DIAPH2: variants seen among roughly 807,000 people sequenced by gnomAD.
The protein encoded by DIAPH2 is diaphanous related formin 2.
Under a neutral mutation model 92.7 loss-of-function variants are expected in DIAPH2, and 35 were observed. That is an observed-to-expected ratio of 0.38 (90% CI 0.29 to 0.50). The LOEUF (loss-of-function observed/expected upper bound fraction) is 0.50. Among genes scored for constraint, DIAPH2 ranks in the 20% least tolerant of loss-of-function variants. The pLI is 0.94. For missense variants in DIAPH2, 701 were observed against 819.5 expected, an observed-to-expected ratio of 0.86 and a Z score of 1.77; for synonymous variants, 301 against 280.4, an observed-to-expected ratio of 1.07 and a Z score of -0.73.
intron 26 of DIAPH2, among the ~76,000 whole-genome samples, chrX:97,501,139 T>C (rs1041963339): frequency 2.7e-5 from 3 of 109,680 alleles, no homozygotes; most frequent in African/African-American, 1.0e-4. Context: ...CCAGTGGCTT[T>C]ATGCTTGCTA....
intron 24 of DIAPH2, among the ~76,000 whole-genome samples, chrX:97,357,379 G>A (rs183321365): frequency 2.7e-5 from 3 of 111,390 alleles, no homozygotes; most frequent in Admixed American, 9.6e-5. Context: ...AAAAGATGCC[G>A]TCACCCCTGA....
In DIAPH2 at chrX:97,543,542, G is replaced by A. The variant is rs185327185; in HGVS notation, c.3242-55711G>A. ...TTTTGAGACAGAGTCTCACTCTGTCGACCCTGGGCTGGAGTGCAGTGATGC... is the reference window on the plus strand; with the variant it reads ...TTTTGAGACAGAGTCTCACTCTGTCAACCCTGGGCTGGAGTGCAGTGATGC... On this transcript the variant is annotated intron_variant, in intron 26 of 26. Transcript: ENST00000324765. Among the ~76,000 whole-genome samples the A allele has an allele frequency of 2.1e-3, 228 of 109,582 alleles. 2 individuals are homozygous for A. In the Middle Eastern group the frequency reaches 0.028, roughly 13 times the overall value.
At chrX:97,060,652 A>T (rs1281509596) in intron 17 of DIAPH2, among the ~76,000 whole-genome samples, 2 of 111,650 alleles carry the variant, frequency 1.8e-5, no homozygotes, top group Non-Finnish European at 3.8e-5. Flanking sequence ...AGGACCCTCT[A>T]TTATCTAACT....
At chrX:97,461,635 C>T (rs1306818578) in intron 26 of DIAPH2, among the ~76,000 whole-genome samples, 2 of 111,276 alleles carry the variant, frequency 1.8e-5, no homozygotes, top group Non-Finnish European at 3.8e-5. Flanking sequence ...CAATATTAAA[C>T]TCAGACCCCT....
intron 4 of DIAPH2, among the ~76,000 whole-genome samples, chrX:96,814,679 C>G (rs1313424857): frequency 8.9e-6 from 1 of 112,039 alleles, no homozygotes. Context: ...TACCTTTGGT[C>G]TTTGAAATGG....
intron 4 of DIAPH2, among the ~76,000 whole-genome samples, chrX:96,811,734 C>T (rs1453734221): frequency 9.0e-6 from 1 of 111,540 alleles, no homozygotes; most frequent in Middle Eastern, 4.2e-3. Context: ...GGATGAAGGG[C>T]TGTTGAATTT....
In DIAPH2 at chrX:97,163,237, A is replaced by G. The variant is rs773419702; in HGVS notation, c.2719+21443A>G. Among the ~76,000 whole-genome samples, 8 of 110,967 alleles carry G rather than the reference A, an allele frequency of 7.2e-5. No homozygotes were observed. The East Asian group carries it at 2.3e-3, about 32-fold the overall frequency. On this transcript the variant is annotated intron_variant, in intron 22 of 26. Coordinates refer to ENST00000324765, the MANE Select transcript of DIAPH2 (RefSeq NM_006729.5). ...CAGGCTGGAGTACATTGGTGCAATCATGGCTCACTGCAGCCTCGAACCCCC... is the reference window on the plus strand; with the variant it reads ...CAGGCTGGAGTACATTGGTGCAATCGTGGCTCACTGCAGCCTCGAACCCCC...
chrX:97,506,295 G>A (rs891397434), intron 26 of DIAPH2, among the ~76,000 whole-genome samples: 3 of 107,006 alleles, frequency 2.8e-5, no homozygotes, highest in Admixed American at 2.0e-4. Flanking sequence ...GACTACAGGC[G>A]CACGCCATGA....
intron 19 of DIAPH2, among the ~76,000 whole-genome samples, chrX:97,088,764 A>G (rs2066801856): frequency 8.9e-6 from 1 of 112,401 alleles, no homozygotes; most frequent in Non-Finnish European, 1.9e-5. Context: ...AAAATTCCAT[A>G]CAATATCAAA....
chrX:96,970,028 T>C (rs1320191554), intron 17 of DIAPH2, among the ~76,000 whole-genome samples: 1 of 112,481 alleles, frequency 8.9e-6, no homozygotes, highest in East Asian at 2.8e-4. Context: ...TCACACTTAT[T>C]TATAGATGTT....
At chrX:96,891,108 T>A (rs992951865) in intron 5 of DIAPH2, among the ~76,000 whole-genome samples, 5 of 111,889 alleles carry the variant, frequency 4.5e-5, no homozygotes, top group African/African-American at 1.6e-4. Context: ...TAAAAACCTA[T>A]GCTTCTCCAC....
intron 26 of DIAPH2, among the ~76,000 whole-genome samples, chrX:97,547,070 G>A (rs867245318): frequency 2.7e-5 from 3 of 111,793 alleles, no homozygotes; most frequent in Admixed American, 9.5e-5. Flanking sequence ...TCTATAGTAA[G>A]CATTTGAATA....
intron 4 of DIAPH2, among the ~76,000 whole-genome samples, chrX:96,820,018 G>A (rs986569359): frequency 1.8e-5 from 2 of 112,107 alleles, no homozygotes; most frequent in African/African-American, 3.2e-5. Context: ...CACGTACACC[G>A]AAAGTTATTT....
chrX:97,537,418 A>G (rs1054442343), intron 26 of DIAPH2, among the ~76,000 whole-genome samples: 2 of 112,051 alleles, frequency 1.8e-5, no homozygotes, highest in African/African-American at 6.5e-5. Context: ...AAGTGATGCT[A>G]TAATAAGGCT....
chrX:96,821,938 A>AG (rs1329340419), intron 4 of DIAPH2, among the ~76,000 whole-genome samples: 1 of 112,057 alleles, frequency 8.9e-6, no homozygotes, highest in Non-Finnish European at 1.9e-5. Context: ...AAGACATAGT[A>AG]GCATAAGGCT....
Position 96,939,337 on chromosome X carries a change from C to A in DIAPH2, c.1280C>A (p.Ser427Tyr). ...KDTAAENYFL[S>Y]ILQHFLLIRN... ...ACTGCTGCTGAAAATTACTTCTTAT[C>A]TATTCTACAACATTTTTTGCTTATC... Residue 427 changes from serine to tyrosine, a missense_variant, in exon 12 of 27, where the codon TCT (serine) becomes TAT (tyrosine). Coordinates refer to ENST00000324765, the MANE Select transcript of DIAPH2 (RefSeq NM_006729.5). The A allele has an allele frequency of 8.7e-7, 1 of 1,148,942 alleles. No homozygotes were observed. The highest frequency in any genetic ancestry group is 1.2e-6 in the Non-Finnish European group (1 of 845,296). 94.7% of individuals were successfully genotyped at this position (1,148,942 alleles called of 1,213,427 possible). A position where few individuals can be genotyped will look rare whatever the true frequency, so the allele number is the denominator to read the frequency against.
chrX:96,843,586 T>C (rs2064951332), intron 4 of DIAPH2, among the ~76,000 whole-genome samples: 1 of 110,955 alleles, frequency 9.0e-6, no homozygotes, highest in African/African-American at 3.3e-5. Context: ...CAGGAAAGGT[T>C]AGACTCACAG....
intron 3 of DIAPH2, among the ~76,000 whole-genome samples, chrX:96,740,384 T>C (rs2064111891): frequency 8.9e-6 from 1 of 112,587 alleles, no homozygotes; most frequent in Non-Finnish European, 1.9e-5. Flanking sequence ...AAACATTCCT[T>C]GATACTATTA....
At chrX:97,547,768 A>G (rs962025807) in intron 26 of DIAPH2, among the ~76,000 whole-genome samples, 1 of 112,318 alleles carries the variant, frequency 8.9e-6, no homozygotes, top group African/African-American at 3.2e-5. Flanking sequence ...ATTTTTGCAG[A>G]ATAAGTATGA....
Sources: gnomAD v4.1 joint callset for allele counts (sites outside exome capture counted in the v4.1 genomes callset) on GRCh38, gnomAD v4.1.1 for gene constraint, MANE v1.5 for transcripts, NCBI Gene and HGNC (gene_info 2026-07-23, HGNC 2026-07-21) for gene names.